The following ERCC6L2 variants were observed in gnomAD, a reference collection of about 807,000 sequenced individuals.
ERCC6L2 encodes the protein ERCC excision repair 6 like 2, also known as DNA excision repair protein ERCC-6-like 2.
In ERCC6L2, 77 loss-of-function variants were observed where a neutral mutation model predicts 132.0. The observed-to-expected ratio is 0.58, with a 90% CI of 0.49 to 0.71. ERCC6L2 has a LOEUF of 0.71. Among genes scored for constraint, ERCC6L2 ranks in the 30% least tolerant of loss-of-function variants. ERCC6L2 has a pLI of 0.00. For synonymous variants in ERCC6L2, 583 were observed against 632.4 expected (o/e 0.92, Z 1.17); for missense variants, 1,542 against 1,837.6 (o/e 0.84, Z 2.94).
chr9:96,033,078 C>T (rs1257856085), intron 19 of ERCC6L2, among the ~76,000 whole-genome samples: 1 of 152,152 alleles, frequency 6.6e-6, no homozygotes, highest in East Asian at 1.9e-4. Context: ...AATGTATTTG[C>T]TTATCTACCA....
intron 18 of ERCC6L2, among the ~76,000 whole-genome samples, chr9:96,009,374 A>G (rs1833958650): frequency 6.6e-6 from 1 of 152,198 alleles, no homozygotes; most frequent in Non-Finnish European, 1.5e-5. Context: ...AGTCAATCAG[A>G]ATCAAGACTG....
intron 14 of ERCC6L2, 39 bp downstream of exon 14, chr9:95,966,753 A>G: frequency 7.3e-7 from 1 of 1,365,976 alleles, no homozygotes; most frequent in Non-Finnish European, 9.6e-7. Flanking sequence ...TAATATTTTA[A>G]ATACAGTTTT....
Position 95,978,208 on chromosome 9 carries a change from G to C in ERCC6L2, c.3485G>C (p.Ser1162Thr). 1 of 1,363,126 alleles carries C rather than the reference G, an allele frequency of 7.3e-7. No homozygotes were observed. Among genetic ancestry groups the C allele is most frequent in the South Asian group, 1.1e-5 (1 of 87,330 alleles). 84.4% of individuals were successfully genotyped at this position (1,363,126 alleles called of 1,614,324 possible). Residue 1162 changes from serine (S) to threonine (T), a missense_variant, in exon 17 of 19, where the codon AGT becomes ACT. Coordinates refer to ENST00000653738, the MANE Select transcript of ERCC6L2 (RefSeq NM_020207.7). ...CTGCCTGCTAACATAGCTGTTTGCA[G>C]TTCTAAGGTAAGAAAAATATAGGGT... ...SQLPANIAVCSSKTYKEKVDA... is the reference protein window; with the variant it reads ...SQLPANIAVCTSKTYKEKVDA...
chr9:95,953,059 C>T (rs1831416327), intron 12 of ERCC6L2, among the ~76,000 whole-genome samples: 1 of 152,086 alleles, frequency 6.6e-6, no homozygotes, highest in Non-Finnish European at 1.5e-5. Flanking sequence ...ATGGTAGTTG[C>T]TAGTAGCTGG....
At chr9:95,969,526 C>T (rs1178140958) in intron 14 of ERCC6L2, among the ~76,000 whole-genome samples, 2 of 152,098 alleles carry the variant, frequency 1.3e-5, no homozygotes, top group African/African-American at 4.8e-5. Context: ...AGGATGGCTC[C>T]AAGGTGTTTG....
At chr9:95,901,899 G>A (rs1828797975) in intron 3 of ERCC6L2, among the ~76,000 whole-genome samples, 1 of 152,118 alleles carries the variant, frequency 6.6e-6, no homozygotes, top group African/African-American at 2.4e-5. Flanking sequence ...AGATAAATTT[G>A]TATTGGTTCA....
chr9:95,879,668 T>C (rs1827486132), intron 1 of ERCC6L2, among the ~76,000 whole-genome samples: 1 of 152,212 alleles, frequency 6.6e-6, no homozygotes, highest in Non-Finnish European at 1.5e-5. Context: ...TACTCATTAT[T>C]GTTATGGTAA....
At chr9:95,979,426 A>G (rs1025220721) in intron 17 of ERCC6L2, among the ~76,000 whole-genome samples, 2 of 152,316 alleles carry the variant, frequency 1.3e-5, no homozygotes, top group East Asian at 3.9e-4. Flanking sequence ...GTTTGTCCTT[A>G]AGGAAAAAGA....
chr9:96,034,020 T>G (rs1834491774), intron 19 of ERCC6L2, among the ~76,000 whole-genome samples: 1 of 152,208 alleles, frequency 6.6e-6, no homozygotes, highest in Non-Finnish European at 1.5e-5. Context: ...CTGCCAGCTC[T>G]GAGCCCCGCT....
chr9:95,903,453 G>A (rs967162275), intron 3 of ERCC6L2, among the ~76,000 whole-genome samples: 3 of 151,976 alleles, frequency 2.0e-5, no homozygotes, highest in African/African-American at 7.2e-5. Context: ...TGATATATTA[G>A]TTGATGTTGT....
chr9:96,030,170 A>G (rs1467539925), intron 19 of ERCC6L2, among the ~76,000 whole-genome samples: 1 of 151,914 alleles, frequency 6.6e-6, no homozygotes, highest in Admixed American at 6.6e-5. Context: ...TGTAAAATGG[A>G]CCAATCAGCA....
At position 95,876,012 on chromosome 9, in the gene ERCC6L2, C is replaced by T. The variant is rs1239187886; in HGVS notation, c.-27C>T. 6.3e-7 allele frequency: 1 copy of T among 1,575,840 alleles called. No individual in the cohort carries two copies. Among genetic ancestry groups the T allele is most frequent in the Non-Finnish European group, 8.6e-7 (1 of 1,161,796 alleles). ...GCCGCCTTCCGGGTGTTACATGCAG[C>T]CGGGCTCGGCCCCTCCCCCTGGCCG... On this transcript the variant is annotated 5_prime_UTR_variant, in exon 1 of 19. Coordinates refer to ENST00000653738, the MANE Select transcript of ERCC6L2 (RefSeq NM_020207.7).
chr9:95,984,314 ATAT>A (rs1038657618), intron 17 of ERCC6L2, among the ~76,000 whole-genome samples: 2 of 149,692 alleles, frequency 1.3e-5, no homozygotes, highest in Admixed American at 1.3e-4. Flanking sequence ...GTATAAATAT[ATAT>A]TATATGTGTA....
chr9:95,886,356 T>C (rs1827866825), intron 2 of ERCC6L2, among the ~76,000 whole-genome samples: 1 of 149,662 alleles, frequency 6.7e-6, no homozygotes, highest in Non-Finnish European at 1.5e-5. Flanking sequence ...GATCATTTCA[T>C]TTAAAAAAAA....
Position 96,012,917 on chromosome 9 carries a change from C to G in ERCC6L2, c.4367C>G (p.Pro1456Arg). The change falls in exon 19 of 19, where the codon CCC becomes CGC. Residue 1456 changes from proline (P) to arginine (R), a missense_variant. By Grantham distance (103) the Pro-to-Arg change is moderately radical. Transcript: ENST00000653738. ...CTTTTTAAAAGTCATGGGAACAGTCCCACACAACTGCCAAAGAAAGTTCTT... is the reference window on the plus strand; with the variant it reads ...CTTTTTAAAAGTCATGGGAACAGTCGCACACAACTGCCAAAGAAAGTTCTT... ...DDLFKSHGNS[P>R]TQLPKKVLSG... 4 of 1,367,414 alleles carry G rather than the reference C, an allele frequency of 2.9e-6. No individual in the cohort carries two copies. The highest frequency in any genetic ancestry group is 3.9e-6 in the Non-Finnish European group (4 of 1,021,742). The allele number at this position is 1,367,414 out of a possible 1,614,324, so 84.7% of individuals were successfully genotyped here.
At chr9:95,876,413 ACCCCGCGTGTGG>A (rs1220205971) in intron 1 of ERCC6L2, 1 of 299,104 alleles carries the variant, frequency 3.3e-6, no homozygotes, top group African/African-American at 2.1e-5. Context: ...TATTTATGTG[ACCCCGCGTGTGG>A]CCCATATTAA....
At chr9:95,995,974 A>G (rs1454274209) in intron 17 of ERCC6L2, among the ~76,000 whole-genome samples, 2 of 152,246 alleles carry the variant, frequency 1.3e-5, no homozygotes, top group East Asian at 1.9e-4. Context: ...TTAATTGTTC[A>G]ACTTTAAAGG....
In ERCC6L2 at chr9:96,015,018, T is replaced by TTTTG. The variant is rs902654983; in HGVS notation, c.*1818_*1819insGTTT. ...CTATAGTCTTCATATATGTACAGTT[T>TTTTG]TTTTTTTTTTTTTTTTTTTTTTGAG... On this transcript the variant is annotated 3_prime_UTR_variant, in exon 19 of 19. Transcript: ENST00000653738. Among the ~76,000 whole-genome samples, 1 of 116,822 alleles carries TTTTG rather than the reference T, an allele frequency of 8.6e-6. No individual in the cohort carries two copies. Among genetic ancestry groups the TTTTG allele is most frequent in the Non-Finnish European group, 1.7e-5 (1 of 57,822 alleles). The allele number at this position is 116,822 out of a possible 152,430, so 76.6% of individuals were successfully genotyped here.
At chr9:95,889,360 A>G (rs144250395) in intron 2 of ERCC6L2, among the ~76,000 whole-genome samples, 95 of 152,278 alleles carry the variant, frequency 6.2e-4, no homozygotes, top group African/African-American at 2.0e-3. Flanking sequence ...TTGATCTTAT[A>G]TTACCTCATT....
Sources: gnomAD v4.1 joint callset for allele counts (sites outside exome capture counted in the v4.1 genomes callset) on GRCh38, gnomAD v4.1.1 for gene constraint, MANE v1.5 for transcripts, NCBI Gene and HGNC (gene_info 2026-07-23, HGNC 2026-07-21) for gene names.